The following SLC60A2 variants were observed in gnomAD, a reference collection of about 807,000 sequenced individuals.
SLC60A2 encodes the protein major facilitator superfamily domain containing 4B.
At chr6:111,265,394 A>C in the SLC60A2 span, 1 of 985,336 alleles carries the variant, frequency 1.0e-6, no homozygotes, top group South Asian at 4.7e-5. Flanking sequence ...AATCCTGGCT[A>C]TTCAGGTTCC....
the SLC60A2 span, among the ~76,000 whole-genome samples, chr6:111,277,661 AT>A: frequency 6.6e-6 from 1 of 152,190 alleles, no homozygotes; most frequent in African/African-American, 2.4e-5. Flanking sequence ...TCTTATTGTA[AT>A]AGGTTTTACC....
the SLC60A2 span, among the ~76,000 whole-genome samples, chr6:111,275,590 A>G: frequency 6.6e-6 from 1 of 151,776 alleles, no homozygotes; most frequent in Admixed American, 6.6e-5. Context: ...TTGTATTTTT[A>G]GTAAAAACAG....
chr6:111,274,769 G>T, the SLC60A2 span, among the ~76,000 whole-genome samples: 2 of 152,060 alleles, frequency 1.3e-5, no homozygotes, highest in African/African-American at 4.8e-5. Flanking sequence ...TTGTAAGGCT[G>T]GTCTAGTTGT....
chr6:111,269,177 C>A, the SLC60A2 span: 1 of 151,986 alleles, frequency 6.6e-6, no homozygotes, highest in Non-Finnish European at 1.5e-5. Context: ...ATGGTAAAAA[C>A]CTTCTTGCTC....
the SLC60A2 span, chr6:111,262,313 C>T: frequency 6.2e-7 from 1 of 1,613,948 alleles, no homozygotes; most frequent in Admixed American, 1.7e-5. Context: ...CAAACGTGAA[C>T]CGAAATATCA....
chr6:111,266,486 A>G, the SLC60A2 span: 1 of 1,614,132 alleles, frequency 6.2e-7, no homozygotes. Context: ...GCCTGACTTC[A>G]TCTTTATTTC....
At chr6:111,267,092 A>C in the SLC60A2 span, 1 of 1,612,024 alleles carries the variant, frequency 6.2e-7, no homozygotes, top group Non-Finnish European at 8.5e-7. Flanking sequence ...ACTTGCCAGA[A>C]ACCAGGACAA....
At chr6:111,265,499 A>G in the SLC60A2 span, 1 of 449,318 alleles carries the variant, frequency 2.2e-6, no homozygotes, top group Non-Finnish European at 2.9e-6. Flanking sequence ...TAATTTGGCT[A>G]CTATCTGATG....
chr6:111,266,545 T>C, the SLC60A2 span: 1 of 1,614,202 alleles, frequency 6.2e-7, no homozygotes, highest in Non-Finnish European at 8.5e-7. Context: ...GCAACTTCAG[T>C]GTATGGGGCT....
chr6:111,266,717 A>C, the SLC60A2 span: 1 of 1,614,202 alleles, frequency 6.2e-7, no homozygotes, highest in Non-Finnish European at 8.5e-7. Context: ...ATTTGCCTGT[A>C]GTTCTGTATA....
the SLC60A2 span, among the ~76,000 whole-genome samples, chr6:111,275,295 TGCA>T: frequency 6.6e-6 from 1 of 152,208 alleles, no homozygotes; most frequent in Admixed American, 6.5e-5. Flanking sequence ...GTAAATTTAT[TGCA>T]GCTTGGTTTT....
At chr6:111,268,651 G>A in the SLC60A2 span, 1 of 152,224 alleles carries the variant, frequency 6.6e-6, no homozygotes, top group African/African-American at 2.4e-5. Context: ...AACAGAGGCT[G>A]GGTCTGAGCC....
the SLC60A2 span, among the ~76,000 whole-genome samples, chr6:111,260,365 A>C: frequency 6.6e-6 from 1 of 152,236 alleles, no homozygotes; most frequent in Non-Finnish European, 1.5e-5. Flanking sequence ...TGATCTGACC[A>C]AATTCAGCCA....
At chr6:111,266,260 T>C in the SLC60A2 span, 2 of 1,614,202 alleles carry the variant, frequency 1.2e-6, no homozygotes, top group South Asian at 2.2e-5. Flanking sequence ...CTTCTTTGTC[T>C]CCTTTTTCTG....
chr6:111,267,028 ATGCAC>A, the SLC60A2 span: 1 of 1,614,170 alleles, frequency 6.2e-7, no homozygotes, highest in Non-Finnish European at 8.5e-7. Context: ...TACCCATCAA[ATGCAC>A]TGGTGTTTGA....
At chr6:111,279,274 T>C in the SLC60A2 span, among the ~76,000 whole-genome samples, 1 of 152,048 alleles carries the variant, frequency 6.6e-6, no homozygotes, top group East Asian at 1.9e-4. Flanking sequence ...TCTTTTTTTT[T>C]TTTTTGAGAC....
At chr6:111,263,759 C>T in the SLC60A2 span, 1 of 764,594 alleles carries the variant, frequency 1.3e-6, no homozygotes, top group Non-Finnish European at 2.2e-6. Flanking sequence ...CATGTTTGGA[C>T]ATTTATGATA....
At chr6:111,261,633 G>A in the SLC60A2 span, among the ~76,000 whole-genome samples, 34 of 151,826 alleles carry the variant, frequency 2.2e-4, no homozygotes, top group Non-Finnish European at 4.4e-4. Flanking sequence ...TCGCTCTGTC[G>A]CCCAGGCTGG....
At chr6:111,265,853 T>C in the SLC60A2 span, 1 of 1,553,128 alleles carries the variant, frequency 6.4e-7, no homozygotes, top group South Asian at 1.2e-5. Flanking sequence ...ACTTAAATAA[T>C]TTTTCCCATC....
Sources: gnomAD v4.1 joint callset for allele counts (sites outside exome capture counted in the v4.1 genomes callset) on GRCh38, gnomAD v4.1.1 for gene constraint, MANE v1.5 for transcripts, NCBI Gene and HGNC (gene_info 2026-07-23, HGNC 2026-07-21) for gene names.